DTNA: variants seen among roughly 807,000 people sequenced by gnomAD.
The protein encoded by DTNA is dystrobrevin alpha, also known as dystrophin-related protein 3.
Under a neutral mutation model 100.7 loss-of-function variants are expected in DTNA, and 43 were observed. The ratio of observed to expected loss-of-function variants is 0.43; its 90% CI spans 0.33 to 0.55. DTNA has a LOEUF of 0.55. Among genes scored for constraint, DTNA ranks in the 20% least tolerant of loss-of-function variants. The pLI is 0.04. For synonymous variants in DTNA, 349 were observed against 347.9 expected (o/e 1.00, Z -0.04); for missense variants, 798 against 953.9 (o/e 0.84, Z 2.15).
Position 34,890,618 on chromosome 18 carries a change from G to A in DTNA, c.*2884G>A. The A allele has an allele frequency of 1.0e-6, 1 of 994,012 alleles. No individual in the cohort carries two copies. 61.6% of individuals were successfully genotyped at this position (994,012 alleles called of 1,614,324 possible). ...CCTCCACAGCGCCATATTAATGGAG[G>A]AGGGGAGGAAGGTGAAATCTACTGC... On this transcript the variant is annotated 3_prime_UTR_variant, in exon 23 of 23. Transcript: ENST00000444659.
chr18:34,784,655 C>T (rs2094447942), intron 3 of DTNA, among the ~76,000 whole-genome samples: 2 of 152,156 alleles, frequency 1.3e-5, no homozygotes, highest in African/African-American at 4.8e-5. Context: ...TTGTGGTGAT[C>T]TTCAGTTAGG....
At chr18:34,705,242 C>T (rs1171175072) in intron 1 of DTNA, among the ~76,000 whole-genome samples, 1 of 152,162 alleles carries the variant, frequency 6.6e-6, no homozygotes, top group Admixed American at 6.5e-5. Context: ...TCAATTCTGT[C>T]TTGCCACCAA....
chr18:34,529,086 G>A (rs1490359574), intron 1 of DTNA, among the ~76,000 whole-genome samples: 1 of 152,048 alleles, frequency 6.6e-6, no homozygotes, highest in Non-Finnish European at 1.5e-5. Context: ...GAGCTGCATA[G>A]CCATTATGTC....
At chr18:34,602,172 A>T (rs773945242) in intron 1 of DTNA, among the ~76,000 whole-genome samples, 2 of 152,198 alleles carry the variant, frequency 1.3e-5, no homozygotes, top group Non-Finnish European at 2.9e-5. Flanking sequence ...TAATCGATAA[A>T]ACTCAGGAAT....
At chr18:34,614,863 C>G (rs897956909) in intron 1 of DTNA, among the ~76,000 whole-genome samples, 4 of 152,158 alleles carry the variant, frequency 2.6e-5, no homozygotes, top group Non-Finnish European at 5.9e-5. Context: ...AAGGCAGTGA[C>G]AGGGTTTGAG....
intron 1 of DTNA, among the ~76,000 whole-genome samples, chr18:34,617,352 A>G (rs1390558235): frequency 1.3e-5 from 2 of 152,148 alleles, no homozygotes; most frequent in African/African-American, 4.8e-5. Flanking sequence ...AATTTTTATC[A>G]AAAGCCTTTT....
chr18:34,768,005 G>A (rs1428251621), intron 3 of DTNA, among the ~76,000 whole-genome samples: 1 of 152,120 alleles, frequency 6.6e-6, no homozygotes, highest in African/African-American at 2.4e-5. Context: ...CACTGCTTGC[G>A]ATAGGGGCCA....
intron 1 of DTNA, chr18:34,504,233 C>T (rs1442448648): frequency 6.6e-6 from 1 of 151,972 alleles, no homozygotes; most frequent in Non-Finnish European, 1.5e-5. Context: ...TTATCACTGG[C>T]TACTCCCATT....
At chr18:34,840,427 G>A (rs2096247189) in intron 13 of DTNA, among the ~76,000 whole-genome samples, 2 of 152,136 alleles carry the variant, frequency 1.3e-5, no homozygotes, top group African/African-American at 4.8e-5. Context: ...AATACAGTCA[G>A]TGTAGATTCA....
chr18:34,820,226 AC>A (rs1054259772), intron 8 of DTNA, among the ~76,000 whole-genome samples: 6 of 152,018 alleles, frequency 3.9e-5, no homozygotes, highest in Non-Finnish European at 7.4e-5. Context: ...TCTTTCTTGC[AC>A]CTGGATTCCC....
intron 1 of DTNA, among the ~76,000 whole-genome samples, chr18:34,636,271 T>C (rs2058660557): frequency 1.3e-5 from 2 of 152,142 alleles, no homozygotes; most frequent in African/African-American, 4.8e-5. Flanking sequence ...TCAGCCACCA[T>C]GCCCAGTTAA....
intron 1 of DTNA, among the ~76,000 whole-genome samples, chr18:34,588,686 A>AGT (rs145242890): frequency 0.05 from 7,554 of 149,624 alleles, 208 homozygotes; most frequent in African/African-American, 0.073. Context: ...TGAATATTAT[A>AGT]GTGTGTGTGT....
At position 34,637,404 on chromosome 18, in the gene DTNA, A is replaced by T. The variant is rs2058778378; in HGVS notation, c.-1-118572A>T. Among the ~76,000 whole-genome samples the T allele has an allele frequency of 2.6e-5, 4 of 152,328 alleles. No individual in the cohort carries two copies. In the South Asian group the frequency reaches 8.3e-4, roughly 32 times the overall value. On this transcript the variant is annotated intron_variant, in intron 1 of 19. Coordinates refer to the DTNA transcript ENST00000283365. Reference sequence around the variant, plus strand: ...CCCAAATGGGAAAATTATGGGAAAAATATATCTATTTCTTCCCCAGAACTG... The same window carrying T: ...CCCAAATGGGAAAATTATGGGAAAATTATATCTATTTCTTCCCCAGAACTG...
At chr18:34,558,612 G>T (rs4467156) in intron 1 of DTNA, among the ~76,000 whole-genome samples, 15,550 of 152,098 alleles carry the variant, frequency 0.1, 1,170 homozygotes, top group African/African-American at 0.2. Flanking sequence ...TAAAGCCGTT[G>T]AAGAGAAGAG....
chr18:34,693,205 A>G (rs1056679283), intron 1 of DTNA, among the ~76,000 whole-genome samples: 1 of 152,186 alleles, frequency 6.6e-6, no homozygotes, highest in African/African-American at 2.4e-5. Flanking sequence ...CACATCTTCT[A>G]TGTTCCCTGG....
intron 1 of DTNA, among the ~76,000 whole-genome samples, chr18:34,551,092 TG>T (rs1000481591): frequency 6.6e-6 from 1 of 152,316 alleles, no homozygotes; most frequent in African/African-American, 2.4e-5. Context: ...TTACTATTTT[TG>T]TCATCACTAT....
At chr18:34,554,572 T>C (rs1017845457) in intron 1 of DTNA, among the ~76,000 whole-genome samples, 2 of 150,494 alleles carry the variant, frequency 1.3e-5, no homozygotes, top group African/African-American at 5.0e-5. Context: ...TTATTGAGAG[T>C]TTTTAGCATG....
At chr18:34,818,143 C>T (rs984508773) in intron 7 of DTNA, 21 bp from the exon 8 acceptor site, 1 of 1,613,780 alleles carries the variant, frequency 6.2e-7, no homozygotes, top group Non-Finnish European at 8.5e-7. Context: ...CTTGGTTTTT[C>T]TTCACTTACT....
chr18:34,662,580 A>G (rs908825992), intron 1 of DTNA, among the ~76,000 whole-genome samples: 8 of 152,240 alleles, frequency 5.3e-5, no homozygotes, highest in Non-Finnish European at 1.2e-4. Flanking sequence ...ATCTGCATGT[A>G]ACTTATACTC....
Sources: gnomAD v4.1 joint callset for allele counts (sites outside exome capture counted in the v4.1 genomes callset) on GRCh38, gnomAD v4.1.1 for gene constraint, MANE v1.5 for transcripts, NCBI Gene and HGNC (gene_info 2026-07-23, HGNC 2026-07-21) for gene names.